Variants in IL18R1 observed in about 807,000 individuals in gnomAD.
The protein encoded by IL18R1 is interleukin-18 receptor 1.
A neutral mutation model predicts 48.5 loss-of-function variants in IL18R1; 40 were observed. The observed-to-expected ratio is 0.82, with a 90% CI of 0.64 to 1.07. The LOEUF is 1.07. Among genes scored for constraint, IL18R1 ranks in the 50% least tolerant of loss-of-function variants. The pLI, the probability that IL18R1 is intolerant of heterozygous loss-of-function variation, is 0.00. For missense variants in IL18R1, 596 were observed against 633.7 expected, an observed-to-expected ratio of 0.94 and a Z score of 0.64; for synonymous variants, 232 against 225.9, an observed-to-expected ratio of 1.03 and a Z score of -0.24.
intron 1 of IL18R1, among the ~76,000 whole-genome samples, chr2:102,360,340 T>G (rs1256452918): frequency 6.6e-6 from 1 of 152,176 alleles, no homozygotes; most frequent in Non-Finnish European, 1.5e-5. Context: ...CTCGGCTCAC[T>G]GCAAGCTCCG....
chr2:102,356,674 G>A (rs1678268523), intron 1 of IL18R1, among the ~76,000 whole-genome samples: 1 of 152,184 alleles, frequency 6.6e-6, no homozygotes, highest in African/African-American at 2.4e-5. Context: ...AGTGCTTACT[G>A]TGTGCCTGAC....
chr2:102,365,755 T>C (rs1678857768), intron 2 of IL18R1, among the ~76,000 whole-genome samples: 1 of 152,188 alleles, frequency 6.6e-6, no homozygotes, highest in Non-Finnish European at 1.5e-5. Flanking sequence ...AACCTAGGCG[T>C]AGGTTCCCAA....
At chr2:102,376,110 A>T (rs1462786590) in intron 5 of IL18R1, 47 bp downstream of exon 5, 5 of 1,476,474 alleles carry the variant, frequency 3.4e-6, no homozygotes, top group Non-Finnish European at 3.6e-6. Context: ...ATTTTAGTAA[A>T]ATGGAATTTT....
rs1013931455 is a variant in IL18R1, at chr2:102,385,057, A to G, written c.809+59A>G. On this transcript the variant is annotated intron_variant, in intron 7 of 10. Coordinates refer to ENST00000233957, the MANE Select transcript of IL18R1 (RefSeq NM_003855.5). ...ACCATATAACAATCATATATATTAT[A>G]TATAACATCATATTAAAAACACTGG... is the stretch of plus-strand genomic sequence containing the variant. The G allele has an allele frequency of 5.8e-6, 5 of 867,590 alleles. No homozygotes were observed. The African/African-American group carries it at 8.8e-5, about 15-fold the overall frequency. The allele number at this position is 867,590 out of a possible 1,614,324, so 53.7% of individuals were successfully genotyped here.
intron 3 of IL18R1, among the ~76,000 whole-genome samples, chr2:102,368,511 A>C (rs924927246): frequency 3.3e-5 from 5 of 152,178 alleles, no homozygotes; most frequent in African/African-American, 1.2e-4. Flanking sequence ...ACCCTAGTCC[A>C]GTCTGCAGGG....
chr2:102,377,459 C>A (rs1193755593), intron 5 of IL18R1, among the ~76,000 whole-genome samples: 1 of 152,134 alleles, frequency 6.6e-6, no homozygotes, highest in East Asian at 1.9e-4. Flanking sequence ...GGACTACAGG[C>A]ACCCGCCACC....
Position 102,384,572 on chromosome 2 carries a change from T to A in IL18R1, c.689-306T>A, listed in dbSNP as rs571240706. On this transcript the variant is annotated intron_variant, in intron 6 of 10. Transcript: ENST00000233957. Reference sequence around the variant, plus strand: ...TTTATCCATTTGGTTTATCTAGAAGTCTCAGTGAGAGTATTGTCCTGATGC... The same window carrying A: ...TTTATCCATTTGGTTTATCTAGAAGACTCAGTGAGAGTATTGTCCTGATGC... Among the ~76,000 whole-genome samples the A allele has an allele frequency of 3.9e-4, 60 of 152,330 alleles. No homozygotes were observed. The Middle Eastern group carries it at 0.01, about 26-fold the overall frequency.
intron 2 of IL18R1, among the ~76,000 whole-genome samples, chr2:102,365,599 A>C (rs1195097312): frequency 1.3e-5 from 2 of 151,974 alleles, no homozygotes. Context: ...TCTTAACTCC[A>C]CTAGCTGTAC....
chr2:102,394,408 GT>G, intron 9 of IL18R1, 60 bp from the exon 10 acceptor site: 1 of 1,361,156 alleles, frequency 7.3e-7, no homozygotes, highest in Non-Finnish European at 1.0e-6. Context: ...ATTCACTTAA[GT>G]TTGTACTTAA....
At position 102,356,255 on chromosome 2, in the gene IL18R1, C is replaced by A; in HGVS notation, c.-174C>A. 6 of 614,774 alleles carry A rather than the reference C, an allele frequency of 9.8e-6. No individual in the cohort carries two copies. The highest frequency in any genetic ancestry group is 1.2e-5 in the Non-Finnish European group (6 of 496,822). The allele number at this position is 614,774 out of a possible 1,614,324, so 38.1% of individuals were successfully genotyped here. On this transcript the variant is annotated 5_prime_UTR_variant, in exon 1 of 11. Transcript: ENST00000233957. ...TCTCTGGGTGCCTTATCTCTTTAATCACACCTCTCTTTCACTTTCCACGGT... is the reference window on the plus strand; with the variant it reads ...TCTCTGGGTGCCTTATCTCTTTAATAACACCTCTCTTTCACTTTCCACGGT...
chr2:102,376,164 G>A, intron 5 of IL18R1, 101 bp downstream of exon 5: 1 of 995,966 alleles, frequency 1.0e-6, no homozygotes, highest in African/African-American at 1.7e-5. Flanking sequence ...CCACTTAGTT[G>A]GGGTTGTGAC....
intron 2 of IL18R1, among the ~76,000 whole-genome samples, chr2:102,366,035 G>T (rs1419598605): frequency 2.0e-5 from 3 of 152,150 alleles, no homozygotes. Flanking sequence ...TACCCTAGAG[G>T]CATTTTTCCC....
chr2:102,365,237 A>G (rs1678819409), intron 2 of IL18R1, among the ~76,000 whole-genome samples: 1 of 152,218 alleles, frequency 6.6e-6, no homozygotes, highest in Admixed American at 6.5e-5. Flanking sequence ...TACTTCCTAG[A>G]TACAATGGGA....
intron 10 of IL18R1, 125 bp from the exon 11 acceptor site, chr2:102,396,406 T>G (rs1392791887): frequency 1.8e-6 from 1 of 566,818 alleles, no homozygotes; most frequent in Non-Finnish European, 3.1e-6. Flanking sequence ...AAATGGTTTG[T>G]CTTAAAGAAA....
At chr2:102,376,188 C>T (rs2105076762) in intron 5 of IL18R1, 125 bp downstream of exon 5, 1 of 619,382 alleles carries the variant, frequency 1.6e-6, no homozygotes, top group Non-Finnish European at 2.6e-6. Context: ...ACCACTAGTT[C>T]AAATATGATG....
At chr2:102,374,349 GA>G (rs1679447421) in intron 4 of IL18R1, among the ~76,000 whole-genome samples, 1 of 152,104 alleles carries the variant, frequency 6.6e-6, no homozygotes, top group Non-Finnish European at 1.5e-5. Context: ...GTTTACTTGT[GA>G]TTTCCAAAGA....
intron 7 of IL18R1, among the ~76,000 whole-genome samples, chr2:102,386,420 T>A (rs560451790): frequency 3.9e-5 from 6 of 152,360 alleles, no homozygotes; most frequent in Non-Finnish European, 2.9e-5. Context: ...CTGAACACAT[T>A]AAACCAGTTT....
chr2:102,390,296 ATTGT>A, intron 9 of IL18R1, 79 bp downstream of exon 9: 1 of 1,268,796 alleles, frequency 7.9e-7, no homozygotes, highest in Non-Finnish European at 1.1e-6. Flanking sequence ...TCTTCATCTT[ATTGT>A]GATGATATTG....
chr2:102,364,071 G>T (rs1441309829), intron 2 of IL18R1, among the ~76,000 whole-genome samples: 1 of 152,162 alleles, frequency 6.6e-6, no homozygotes, highest in African/African-American at 2.4e-5. Context: ...CTGAGGAGGG[G>T]GGTGGTGTGG....
Sources: gnomAD v4.1 joint callset for allele counts (sites outside exome capture counted in the v4.1 genomes callset) on GRCh38, gnomAD v4.1.1 for gene constraint, MANE v1.5 for transcripts, NCBI Gene and HGNC (gene_info 2026-07-23, HGNC 2026-07-21) for gene names.